The following TOR1AIP2 variants were observed in gnomAD, a reference collection of about 807,000 sequenced individuals.
TOR1AIP2 encodes the protein torsin 1A interacting protein 2, also known as torsin-1A-interacting protein 2.
In TOR1AIP2, 20 loss-of-function variants were observed where a neutral mutation model predicts 32.6. That is an observed-to-expected ratio of 0.61 (90% CI 0.43 to 0.89). The LOEUF (loss-of-function observed/expected upper bound fraction) is 0.89. Among genes scored for constraint, TOR1AIP2 ranks in the 40% least tolerant of loss-of-function variants. TOR1AIP2 has a pLI of 0.00. For missense variants in TOR1AIP2, 456 were observed against 553.8 expected (o/e 0.82, Z 1.77); for synonymous variants, 214 against 210.8 (o/e 1.02, Z -0.13).
chr1:179,859,671 T>C, intron 3 of TOR1AIP2: 1 of 985,402 alleles, frequency 1.0e-6, no homozygotes, highest in Non-Finnish European at 1.2e-6. Flanking sequence ...TAATTAAGAT[T>C]ATAAAATGGG....
chr1:179,872,461 CATA>C (rs1410852188), intron 2 of TOR1AIP2, among the ~76,000 whole-genome samples: 4 of 152,200 alleles, frequency 2.6e-5, no homozygotes, highest in African/African-American at 7.2e-5. Flanking sequence ...TATCCACTGT[CATA>C]ATATCCCAGC....
At chr1:179,852,115 A>G (rs7527215) in intron 4 of TOR1AIP2, among the ~76,000 whole-genome samples, 19,044 of 152,166 alleles carry the variant, frequency 0.13, 1,244 homozygotes, top group Middle Eastern at 0.2. Flanking sequence ...CCCCGTCTCT[A>G]CTAAAAATAC....
At chr1:179,865,310 G>A in intron 3 of TOR1AIP2, 126 bp downstream of exon 3, 2 of 1,215,934 alleles carry the variant, frequency 1.6e-6, no homozygotes, top group Non-Finnish European at 2.3e-6. Context: ...TATTTGGAGA[G>A]CCAAATAAAC....
chr1:179,851,412 A>G (rs767712215), intron 4 of TOR1AIP2, 49 bp from the exon 5 acceptor site: 3 of 1,377,040 alleles, frequency 2.2e-6, no homozygotes, highest in African/African-American at 2.9e-5. Flanking sequence ...TTCCCCATAA[A>G]TTTATATTTT....
In TOR1AIP2 at chr1:179,847,553, T is replaced by C; in HGVS notation, c.637A>G (p.Lys213Glu). 6.2e-7 allele frequency: 1 copy of C among 1,613,944 alleles called. No homozygotes were observed. The highest frequency in any genetic ancestry group is 8.5e-7 in the Non-Finnish European group (1 of 1,179,848). ...AQDTMRQINK[K>E]GFWSYGPVIL... ...TTCTCACCATAGCTCCAAAAACCCTTTTTATTAATCTGTCTCATGGTGTCC... is the reference window on the plus strand; with the variant it reads ...TTCTCACCATAGCTCCAAAAACCCTCTTTATTAATCTGTCTCATGGTGTCC... The change falls in exon 6 of 7, where the codon AAG becomes GAG. Residue 213 changes from lysine (K) to glutamate (E), a missense_variant. Physicochemically the swap from Lys to Glu is moderately conservative, Grantham distance 56. Coordinates refer to ENST00000609928, the MANE Select transcript of TOR1AIP2 (RefSeq NM_001199260.2).
Position 179,850,927 on chromosome 1 carries a change from G to T in TOR1AIP2, c.471C>A (p.Asp157Glu). 1 of 1,614,190 alleles carries T rather than the reference G, an allele frequency of 6.2e-7. No individual in the cohort carries two copies. The change falls in exon 5 of 7, where the codon GAC (aspartate) becomes GAA (glutamate). Residue 157 changes from aspartate (D) to glutamate (E), a missense_variant. Physicochemically the swap from Asp to Glu is conservative, Grantham distance 45. Transcript: ENST00000609928. ...TGASQEPPTTDSQEAQSPGHS... is the reference protein window; with the variant it reads ...TGASQEPPTTESQEAQSPGHS... ...GACCAGGACTCTGGGCCTCCTGGGAGTCTGTAGTAGGTGGTTCCTGAGATG... is the reference window on the plus strand; with the variant it reads ...GACCAGGACTCTGGGCCTCCTGGGATTCTGTAGTAGGTGGTTCCTGAGATG...
At chr1:179,864,693 T>G in intron 3 of TOR1AIP2, 5 of 1,498,520 alleles carry the variant, frequency 3.3e-6, no homozygotes, top group Non-Finnish European at 4.4e-6. Flanking sequence ...ACAATCTGGG[T>G]CAGACTTAGA....
chr1:179,846,201 T>C lies in TOR1AIP2; in HGVS notation c.1283A>G (p.Asn428Ser), dbSNP rs545273591. The change falls in exon 7 of 7, where the codon AAC becomes AGC. Residue 428 changes from asparagine (N) to serine (S), a missense_variant. By Grantham distance (46) the Asn-to-Ser change is conservative. Transcript: ENST00000609928. ...GTTGAAGGAGGTGGGAGTGTCAGAG[T>C]TGGTAAACTTGGCCCAGAGTAAGTC... ...VRDLLWAKFT[N>S]SDTPTSFNHM... 9 of 1,614,068 alleles carry C rather than the reference T, an allele frequency of 5.6e-6. No homozygotes were observed. In the African/African-American group the frequency reaches 8.0e-5, roughly 14 times the overall value.
intron 3 of TOR1AIP2, chr1:179,862,603 C>T: frequency 1.0e-6 from 1 of 985,368 alleles, no homozygotes; most frequent in South Asian, 4.7e-5. Flanking sequence ...TGTTGCACAC[C>T]AACAGCCATT....
chr1:179,845,929 CTTG>C lies in TOR1AIP2; in HGVS notation c.*139_*141del. The C allele has an allele frequency of 1.3e-6, 1 of 758,494 alleles. No individual in the cohort carries two copies. Among genetic ancestry groups the C allele is most frequent in the Non-Finnish European group, 2.0e-6 (1 of 497,968 alleles). 47.0% of individuals were successfully genotyped at this position (758,494 alleles called of 1,614,324 possible). On this transcript the variant is annotated 3_prime_UTR_variant, in exon 7 of 7. Transcript: ENST00000609928. ...TTTTACAAGGAATAAAAAATAAAAA[CTTG>C]TTTCTAAAATAAGCTCATCTTTGTT...
chr1:179,861,396 T>C (rs1696523402), intron 3 of TOR1AIP2: 1 of 985,354 alleles, frequency 1.0e-6, no homozygotes, highest in Non-Finnish European at 1.2e-6. Flanking sequence ...TCCTCAATTT[T>C]CTCCTTTGCT....
rs565726837 is a variant in TOR1AIP2 at position 179,863,282 on chromosome 1, C to T, written c.-147+2154G>A. 1.3e-5 allele frequency: 13 copies of T among 981,370 alleles called. No homozygotes were observed. The South Asian group carries it at 5.7e-4, about 43-fold the overall frequency. The allele number at this position is 981,370 out of a possible 1,614,324, so 60.8% of individuals were successfully genotyped here. On this transcript the variant is annotated intron_variant, in intron 3 of 6. Coordinates refer to ENST00000609928, the MANE Select transcript of TOR1AIP2 (RefSeq NM_001199260.2). ...TCTTCAATGGAGGCAATGTGGCCTA[C>T]CCAGGCAATGCTAACCCTATTCCCC...
In TOR1AIP2 at chr1:179,869,503, G is replaced by C. The variant is rs185395223; in HGVS notation, c.-565-3649C>G. ...TCAATATTTTATAATGTTTAAAAGA[G>C]AAAGAGGTTAATAAGCAAAACCAAA... On this transcript the variant is annotated intron_variant, in intron 2 of 6. Transcript: ENST00000609928. 2.1e-3 allele frequency among the ~76,000 whole-genome samples: 314 copies of C among 152,322 alleles called. 1 individual carries two copies. Among genetic ancestry groups the C allele is most frequent in the Middle Eastern group, 6.8e-3 (2 of 294 alleles).
intron 2 of TOR1AIP2, among the ~76,000 whole-genome samples, chr1:179,873,210 A>G (rs1453403772): frequency 6.6e-6 from 1 of 152,170 alleles, no homozygotes; most frequent in Non-Finnish European, 1.5e-5. Context: ...TTTTAAAAAT[A>G]GACACGTGGT....
intron 2 of TOR1AIP2, chr1:179,874,144 G>A (rs1697107585): frequency 6.6e-6 from 1 of 152,256 alleles, no homozygotes; most frequent in South Asian, 2.1e-4. Context: ...TTACCTGGGA[G>A]CTTGCTAAAA....
At chr1:179,871,448 CTAAA>C (rs1697008081) in intron 2 of TOR1AIP2, among the ~76,000 whole-genome samples, 1 of 152,216 alleles carries the variant, frequency 6.6e-6, no homozygotes, top group Admixed American at 6.5e-5. Context: ...ATTAACTTCT[CTAAA>C]TAGTCTATCT....
intron 3 of TOR1AIP2, chr1:179,865,143 C>T: frequency 6.2e-7 from 1 of 1,612,228 alleles, no homozygotes; most frequent in Non-Finnish European, 8.5e-7. Context: ...CACTGTTGTC[C>T]ACAATCAGGG....
chr1:179,876,510 A>T (rs559442674), intron 2 of TOR1AIP2, among the ~76,000 whole-genome samples: 1 of 152,242 alleles, frequency 6.6e-6, no homozygotes, highest in Non-Finnish European at 1.5e-5. Context: ...CTCAGTTTTC[A>T]TAACAAATGT....
intron 3 of TOR1AIP2, chr1:179,863,770 A>G: frequency 1.0e-6 from 1 of 985,158 alleles, no homozygotes; most frequent in Non-Finnish European, 1.2e-6. Flanking sequence ...TAAAAGCACT[A>G]GATACCTAGA....
Sources: gnomAD v4.1 joint callset for allele counts (sites outside exome capture counted in the v4.1 genomes callset) on GRCh38, gnomAD v4.1.1 for gene constraint, MANE v1.5 for transcripts, NCBI Gene and HGNC (gene_info 2026-07-23, HGNC 2026-07-21) for gene names.